TSPEAR: variants seen among roughly 807,000 people sequenced by gnomAD.
TSPEAR encodes thrombospondin-type laminin G domain and EAR repeat-containing protein.
TSPEAR carries 69 observed loss-of-function variants against 71.6 expected under a neutral mutation model. The observed-to-expected ratio is 0.96, with a 90% CI of 0.79 to 1.18. The LOEUF (loss-of-function observed/expected upper bound fraction) is 1.18. Ranked by LOEUF, TSPEAR falls within the 50% of genes most tolerant of loss-of-function variation. TSPEAR has a pLI of 0.00. For missense variants in TSPEAR, 971 were observed against 894.9 expected, an observed-to-expected ratio of 1.09 and a Z score of -1.09; for synonymous variants, 402 against 387.2, an observed-to-expected ratio of 1.04 and a Z score of -0.45.
At chr21:44,521,445 C>T (rs920120080) in intron 9 of TSPEAR, among the ~76,000 whole-genome samples, 5 of 152,204 alleles carry the variant, frequency 3.3e-5, no homozygotes, top group Admixed American at 6.5e-5. Context: ...TGCCCCGACC[C>T]GGCCCCCACG....
intron 2 of TSPEAR, among the ~76,000 whole-genome samples, chr21:44,544,880 G>A (rs2053276058): frequency 6.6e-6 from 1 of 152,102 alleles, no homozygotes; most frequent in African/African-American, 2.4e-5. Context: ...AATCCATCAA[G>A]AAGATATACC....
At chr21:44,614,980 T>C (rs1240098186) in intron 1 of TSPEAR, among the ~76,000 whole-genome samples, 1 of 152,184 alleles carries the variant, frequency 6.6e-6, no homozygotes, top group Non-Finnish European at 1.5e-5. Flanking sequence ...ACCCCACCTG[T>C]CCTGGAAGAA....
intron 11 of TSPEAR, among the ~76,000 whole-genome samples, chr21:44,500,888 GTC>G (rs1380946188): frequency 1.3e-5 from 2 of 152,208 alleles, no homozygotes; most frequent in African/African-American, 4.8e-5. Context: ...TGAATAGGAT[GTC>G]TGTTTCCATA....
chr21:44,614,891 C>T (rs1365307391), intron 1 of TSPEAR, among the ~76,000 whole-genome samples: 1 of 152,214 alleles, frequency 6.6e-6, no homozygotes, highest in African/African-American at 2.4e-5. Flanking sequence ...TCCCACCCAG[C>T]GGCCCAAATG....
intron 1 of TSPEAR, among the ~76,000 whole-genome samples, chr21:44,616,491 C>T (rs1046122305): frequency 1.3e-5 from 2 of 151,472 alleles, no homozygotes; most frequent in Admixed American, 1.3e-4. Context: ...GACCCTGGTT[C>T]CCCAGTCCCT....
rs143759725 is a variant in TSPEAR, at chr21:44,697,189, G to A, written c.82+14244C>T. 1.3e-3 allele frequency: 2,055 copies of A among 1,611,406 alleles called. 24 individuals carry two copies. The African/African-American group carries it at 0.024, about 19-fold the overall frequency. On this transcript the variant is annotated intron_variant, in intron 1 of 11. Coordinates refer to ENST00000323084, the MANE Select transcript of TSPEAR (RefSeq NM_144991.3). ...GCTCCCCCAGCTCAACCCCCAGCAC[G>A]GCTGCATCCACCATGTCCGTCTGCT...
chr21:44,683,894 T>C (rs2146301201), intron 1 of TSPEAR, among the ~76,000 whole-genome samples: 1 of 152,328 alleles, frequency 6.6e-6, no homozygotes, highest in African/African-American at 2.4e-5. Flanking sequence ...GAAGCTATTT[T>C]TTAAAATGGG....
chr21:44,705,483 T>G (rs887795032), intron 1 of TSPEAR, among the ~76,000 whole-genome samples: 13 of 152,142 alleles, frequency 8.5e-5, no homozygotes, highest in Non-Finnish European at 1.5e-4. Flanking sequence ...CAAAAGCAAA[T>G]GGGAGAAATA....
chr21:44,508,777 G>T, intron 10 of TSPEAR: 1 of 1,297,174 alleles, frequency 7.7e-7, no homozygotes, highest in Non-Finnish European at 1.0e-6. Flanking sequence ...CAACATCGGG[G>T]GAAGGAAGTA....
rs587767409 is a variant in TSPEAR at position 44,675,681 on chromosome 21, A to C, written c.82+35752T>G. ...ATGTTACACGAGTTGCAAAGAAAGC[A>C]CTCCTGGAGTTCACTGACATGATAG... is the stretch of plus-strand genomic sequence containing the variant. On this transcript the variant is annotated intron_variant, in intron 1 of 11. Coordinates refer to ENST00000323084, the MANE Select transcript of TSPEAR (RefSeq NM_144991.3). Among the ~76,000 whole-genome samples the C allele has an allele frequency of 5.6e-4, 85 of 152,286 alleles. 1 individual carries two copies. The highest frequency in any genetic ancestry group is 2.0e-3 in the African/African-American group (82 of 41,552).
At chr21:44,608,978 T>C (rs1466990970) in intron 1 of TSPEAR, among the ~76,000 whole-genome samples, 4 of 152,192 alleles carry the variant, frequency 2.6e-5, no homozygotes, top group African/African-American at 7.2e-5. Context: ...TCTCTAACAC[T>C]GTGAAAGAGA....
chr21:44,622,710 T>C (rs896787912), intron 1 of TSPEAR, among the ~76,000 whole-genome samples: 1 of 152,256 alleles, frequency 6.6e-6, no homozygotes, highest in Non-Finnish European at 1.5e-5. Context: ...TAAGGTTCAC[T>C]ATAACCCGGT....
In TSPEAR at chr21:44,627,685, T is replaced by G. The variant is rs782270132; in HGVS notation, c.83-59680A>C. 3.1e-6 allele frequency: 5 copies of G among 1,603,606 alleles called. No homozygotes were observed. In the African/African-American group the frequency reaches 6.7e-5, roughly 21 times the overall value. ...CCAACAGTCTAGCTGCCAGCCAGCTTGCTGCACTTCCTCCCCCTGCCAGCA... is the reference window on the plus strand; with the variant it reads ...CCAACAGTCTAGCTGCCAGCCAGCTGGCTGCACTTCCTCCCCCTGCCAGCA... On this transcript the variant is annotated intron_variant, in intron 1 of 11. Transcript: ENST00000323084.
rs782341752 is a variant in TSPEAR at position 44,574,904 on chromosome 21, T to C, written c.83-6899A>G. 14 of 1,611,722 alleles carry C rather than the reference T, an allele frequency of 8.7e-6. 1 individual carries two copies. The highest frequency in any genetic ancestry group is 2.2e-5 in the South Asian group (2 of 90,908). On this transcript the variant is annotated intron_variant, in intron 1 of 11. Coordinates refer to ENST00000323084, the MANE Select transcript of TSPEAR (RefSeq NM_144991.3). ...GCGTGCCCGTCCCTTCCTGCTGTGC[T>C]CCCACCTCCTCCTGCCAACCCAGCT... is the stretch of plus-strand genomic sequence containing the variant.
In TSPEAR at chr21:44,551,258, G is replaced by T. The variant is rs201338715; in HGVS notation, c.303+16527C>A. 169 of 1,613,846 alleles carry T rather than the reference G, an allele frequency of 1.0e-4. No individual in the cohort carries two copies. In the African/African-American group the frequency reaches 2.1e-3, roughly 20 times the overall value. On this transcript the variant is annotated intron_variant, in intron 2 of 11. Transcript: ENST00000323084. ...TGCAGGAGCTGGTGCAGCCTGATTG[G>T]CAGGCGCTGGGCTCACAGGCCGCCT...
chr21:44,542,167 T>G (rs2053232797), intron 2 of TSPEAR, among the ~76,000 whole-genome samples: 1 of 152,098 alleles, frequency 6.6e-6, no homozygotes, highest in Admixed American at 6.5e-5. Flanking sequence ...ACACAATAGC[T>G]GAAATTAAGA....
intron 2 of TSPEAR, among the ~76,000 whole-genome samples, chr21:44,553,357 T>C (rs1555919375): frequency 6.6e-6 from 1 of 152,112 alleles, no homozygotes; most frequent in Admixed American, 6.5e-5. Flanking sequence ...ATAAAAAATG[T>C]TGAAGATGAA....
At chr21:44,500,352 C>T (rs991205060) in intron 11 of TSPEAR, among the ~76,000 whole-genome samples, 2 of 152,192 alleles carry the variant, frequency 1.3e-5, no homozygotes, top group Non-Finnish European at 1.5e-5. Context: ...GCTCTCTGCC[C>T]GCTGCTCTGC....
chr21:44,681,804 C>T, intron 1 of TSPEAR: 1 of 1,586,510 alleles, frequency 6.3e-7, no homozygotes, highest in Admixed American at 1.7e-5. Flanking sequence ...CTCATCTGCA[C>T]TGGGAGCAGC....
Sources: allele counts gnomAD v4.1 joint callset (sites outside exome capture counted in the v4.1 genomes callset), GRCh38; gene constraint gnomAD v4.1.1; transcripts MANE v1.5; gene names NCBI Gene and HGNC (gene_info 2026-07-23, HGNC 2026-07-21).